NCOR1: variants seen among roughly 807,000 people sequenced by gnomAD.
NCOR1 encodes nuclear receptor corepressor 1.
NCOR1 carries 63 observed loss-of-function variants against 288.1 expected under a neutral mutation model. The observed-to-expected ratio is 0.22, with a 90% confidence interval of 0.18 to 0.27. The LOEUF (loss-of-function observed/expected upper bound fraction) is 0.27. Ranked by LOEUF, NCOR1 falls within the 10% of genes least tolerant of loss-of-function variation. The pLI is 1.00. For synonymous variants in NCOR1, 1,007 were observed against 1,065.9 expected, an observed-to-expected ratio of 0.94 and a Z score of 1.08; for missense variants, 2,397 against 3,019.2, an observed-to-expected ratio of 0.79 and a Z score of 4.83.
intron 23 of NCOR1, among the ~76,000 whole-genome samples, chr17:16,085,068 T>C (rs1332264768): frequency 6.6e-6 from 1 of 152,024 alleles, no homozygotes; most frequent in African/African-American, 2.4e-5. Context: ...CTTTCAACCA[T>C]AATAAAGATC....
intron 14 of NCOR1, among the ~76,000 whole-genome samples, chr17:16,127,097 A>G (rs2074191824): frequency 8.6e-6 from 1 of 116,298 alleles, no homozygotes; most frequent in Non-Finnish European, 1.9e-5. Flanking sequence ...AGTTTATCAT[A>G]GGTGTGTGTG....
chr17:16,146,711 G>A (rs1333021111), intron 9 of NCOR1, among the ~76,000 whole-genome samples, 163 bp from the exon 10 acceptor site: 2 of 152,190 alleles, frequency 1.3e-5, no homozygotes, highest in Non-Finnish European at 2.9e-5. Flanking sequence ...AGGAAAGGTA[G>A]CTCTGTTTCC....
chr17:16,115,103 C>A (rs779058815), intron 18 of NCOR1, among the ~76,000 whole-genome samples: 1 of 152,148 alleles, frequency 6.6e-6, no homozygotes, highest in Non-Finnish European at 1.5e-5. Context: ...AGGCTCAACA[C>A]CATATGGAAG....
At chr17:16,059,436 A>G (rs2060310665) in intron 37 of NCOR1, among the ~76,000 whole-genome samples, 1 of 152,238 alleles carries the variant, frequency 6.6e-6, no homozygotes, top group African/African-American at 2.4e-5. Flanking sequence ...GAAAATAACC[A>G]GAAATGGTAG....
At chr17:16,205,074 G>A (rs925119842) in intron 1 of NCOR1, among the ~76,000 whole-genome samples, 8 of 151,972 alleles carry the variant, frequency 5.3e-5, no homozygotes, top group Admixed American at 2.0e-4. Flanking sequence ...TACAAAATTA[G>A]CCAGGCATGG....
chr17:16,121,021 T>C (rs759526729), intron 16 of NCOR1, 31 bp downstream of exon 16: 9 of 1,582,666 alleles, frequency 5.7e-6, no homozygotes, highest in South Asian at 4.5e-5. Context: ...AACAAAATTA[T>C]GGCCTGTTTA....
Position 16,085,532 on chromosome 17 carries a change from A to T in NCOR1, c.3177+750T>A, listed in dbSNP as rs185261831. ...CTGGTATTACTCAGCAATAAAAAGGAAGAAACTACTGATTACATAAAACCC... is the reference window on the plus strand; with the variant it reads ...CTGGTATTACTCAGCAATAAAAAGGTAGAAACTACTGATTACATAAAACCC... On this transcript the variant is annotated intron_variant, in intron 23 of 45. Transcript: ENST00000268712. Among the ~76,000 whole-genome samples, 5 of 152,362 alleles carry T rather than the reference A, an allele frequency of 3.3e-5. No homozygotes were observed. In the East Asian group the frequency reaches 9.6e-4, roughly 29 times the overall value.
At chr17:16,136,368 T>C (rs1437610997) in intron 14 of NCOR1, among the ~76,000 whole-genome samples, 2 of 152,118 alleles carry the variant, frequency 1.3e-5, no homozygotes, top group Non-Finnish European at 1.5e-5. Context: ...TCTATTATTT[T>C]GTAAAGACAG....
At chr17:16,056,098 GCTT>G (rs3834582) in intron 40 of NCOR1, among the ~76,000 whole-genome samples, 64,798 of 151,398 alleles carry the variant, frequency 0.43, 15,425 homozygotes, top group Middle Eastern at 0.56. Context: ...AGACCATTTA[GCTT>G]CTTATTTATA....
chr17:16,145,536 C>G (rs2077801290), intron 10 of NCOR1, among the ~76,000 whole-genome samples: 1 of 141,322 alleles, frequency 7.1e-6, no homozygotes, highest in Non-Finnish European at 1.6e-5. Context: ...TGAGGAGCGT[C>G]TCTGCCCCGC....
Position 16,029,200 on chromosome 17 carries a change from C to T in NCOR1, c.*3096G>A, listed in dbSNP as rs1416834187. On this transcript the variant is annotated 3_prime_UTR_variant, in exon 46 of 46. Transcript: ENST00000268712. ...ATTTATTTATTAATTTTAAATCATC[C>T]ACAGTGACTCAGCTCATGGTCTCGT... The T allele has an allele frequency of 4.4e-6, 2 of 453,686 alleles. No individual in the cohort carries two copies. Among genetic ancestry groups the T allele is most frequent in the Middle Eastern group, 6.9e-4 (1 of 1,444 alleles). The allele number at this position is 453,686 out of a possible 1,614,324, so 28.1% of individuals were successfully genotyped here.
chr17:16,044,604 C>T, intron 42 of NCOR1: 1 of 583,738 alleles, frequency 1.7e-6, no homozygotes, highest in Non-Finnish European at 3.4e-6. Flanking sequence ...AGCGCCAGCC[C>T]CACACTTGCC....
chr17:16,142,674 C>T (rs1271532213), intron 11 of NCOR1, among the ~76,000 whole-genome samples: 1 of 152,140 alleles, frequency 6.6e-6, no homozygotes, highest in Non-Finnish European at 1.5e-5. Context: ...TTTAGCTGAT[C>T]ATAAATATTT....
intron 31 of NCOR1, among the ~76,000 whole-genome samples, chr17:16,068,749 T>C (rs979975686): frequency 1.4e-5 from 2 of 147,712 alleles, no homozygotes; most frequent in African/African-American, 5.0e-5. Flanking sequence ...AGAGTCTCGC[T>C]GTCACCCAGG....
intron 40 of NCOR1, among the ~76,000 whole-genome samples, chr17:16,056,422 C>T (rs1206927219): frequency 7.0e-6 from 1 of 142,380 alleles, no homozygotes; most frequent in East Asian, 2.1e-4. Context: ...AGCGATTCTT[C>T]TGCCTCAGTG....
intron 6 of NCOR1, among the ~76,000 whole-genome samples, chr17:16,155,679 C>T (rs1487808750): frequency 1.3e-5 from 2 of 152,108 alleles, no homozygotes; most frequent in East Asian, 1.9e-4. Flanking sequence ...GAAATGGTCC[C>T]TCGATCTCTT....
rs2063225584 is a variant in NCOR1 at position 16,080,492 on chromosome 17, T to G, written c.3316A>C (p.Lys1106Gln). The G allele has an allele frequency of 6.2e-7, 1 of 1,614,118 alleles. No homozygotes were observed. Among genetic ancestry groups the G allele is most frequent in the Non-Finnish European group, 8.5e-7 (1 of 1,180,012 alleles). The change falls in exon 25 of 46, where the codon AAG becomes CAG. Residue 1106 changes from lysine to glutamine, a missense_variant. Coordinates refer to ENST00000268712, the MANE Select transcript of NCOR1 (RefSeq NM_006311.4). Reference protein sequence around the residue: ...SAKSATLPYIKQEEFSPRSQN... With the variant: ...SAKSATLPYIQQEEFSPRSQN... ...CTTCGGGGAGAAAATTCTTCCTGCT[T>G]GATGTAGGGCAAAGTAGCTGTGGAA...
At chr17:16,154,662 A>G (rs2079426227) in intron 6 of NCOR1, among the ~76,000 whole-genome samples, 1 of 152,232 alleles carries the variant, frequency 6.6e-6, no homozygotes. Flanking sequence ...GCGGGTAAGC[A>G]TGTAAACATC....
chr17:16,160,798 A>G (rs551169601), intron 5 of NCOR1, among the ~76,000 whole-genome samples: 1 of 152,194 alleles, frequency 6.6e-6, no homozygotes, highest in East Asian at 1.9e-4. Context: ...TCTCAAAAAA[A>G]CTAAATAAAT....
Sources: gnomAD v4.1 joint callset for allele counts (sites outside exome capture counted in the v4.1 genomes callset) on GRCh38, gnomAD v4.1.1 for gene constraint, MANE v1.5 for transcripts, NCBI Gene and HGNC (gene_info 2026-07-23, HGNC 2026-07-21) for gene names.